Variants in CDH13 observed in about 807,000 individuals in gnomAD.
CDH13 encodes cadherin 13, also known as cadherin-13.
CDH13 carries 24 observed loss-of-function variants against 63.8 expected under a neutral mutation model. The observed-to-expected ratio is 0.38, with a 90% CI of 0.27 to 0.53. The LOEUF is 0.53. Ranked by LOEUF, CDH13 falls within the 20% of genes least tolerant of loss-of-function variation. The pLI, the probability that CDH13 is intolerant of heterozygous loss-of-function variation, is 0.85. For missense variants in CDH13, 1,049 were observed against 903.1 expected (o/e 1.16, Z -2.07); for synonymous variants, 503 against 355.3 (o/e 1.42, Z -4.67).
At chr16:83,778,203 A>C (rs1475127097) in intron 11 of CDH13, among the ~76,000 whole-genome samples, 2 of 152,252 alleles carry the variant, frequency 1.3e-5, no homozygotes, top group African/African-American at 4.8e-5. Context: ...AGGCAAGCTG[A>C]GTTTTATTAA....
rs563017672 is a variant in CDH13 at position 82,853,049 on chromosome 16, G to C, written c.46-5313G>C. On this transcript the variant is annotated intron_variant, in intron 1 of 13. Transcript: ENST00000567109. Reference sequence around the variant, plus strand: ...AAATGGAAGCTAAAAAGAAAACCTGGTATAAAGAGTGTGATTTAAGAATTT... The same window carrying C: ...AAATGGAAGCTAAAAAGAAAACCTGCTATAAAGAGTGTGATTTAAGAATTT... 3.9e-5 allele frequency among the ~76,000 whole-genome samples: 6 copies of C among 152,292 alleles called. No individual in the cohort carries two copies. In the South Asian group the frequency reaches 1.2e-3, roughly 32 times the overall value.
intron 1 of CDH13, chr16:82,639,520 G>T: frequency 1.7e-6 from 2 of 1,198,524 alleles, no homozygotes; most frequent in South Asian, 1.3e-5. Context: ...CCCTAGGGAT[G>T]CTAAGAAACC....
chr16:83,700,964 T>C (rs1253342062), intron 10 of CDH13, among the ~76,000 whole-genome samples: 1 of 152,210 alleles, frequency 6.6e-6, no homozygotes, highest in Non-Finnish European at 1.5e-5. Context: ...ATTTACACCC[T>C]CTTCCCCTTC....
intron 7 of CDH13, among the ~76,000 whole-genome samples, chr16:83,542,704 A>G (rs1408662747): frequency 6.6e-6 from 1 of 152,192 alleles, no homozygotes; most frequent in Admixed American, 6.5e-5. Context: ...TTTGGCTTGC[A>G]GAAGCATCCA....
intron 8 of CDH13, among the ~76,000 whole-genome samples, chr16:83,650,516 T>C (rs1912271390): frequency 6.6e-6 from 1 of 152,196 alleles, no homozygotes; most frequent in Non-Finnish European, 1.5e-5. Flanking sequence ...CACACACATC[T>C]TAGCTGGATT....
At chr16:82,890,952 G>A (rs1284343494) in intron 2 of CDH13, among the ~76,000 whole-genome samples, 7 of 151,826 alleles carry the variant, frequency 4.6e-5, no homozygotes, top group Non-Finnish European at 1.0e-4. Flanking sequence ...GTGCCTGGCC[G>A]GCAGCAATTC....
chr16:83,431,766 A>G (rs1298465299), intron 6 of CDH13, among the ~76,000 whole-genome samples: 1 of 152,040 alleles, frequency 6.6e-6, no homozygotes, highest in Non-Finnish European at 1.5e-5. Context: ...CACCAAGGGG[A>G]TGGCACTAAA....
chr16:83,246,457 C>T (rs1053317631), intron 5 of CDH13, among the ~76,000 whole-genome samples: 2 of 152,104 alleles, frequency 1.3e-5, no homozygotes, highest in African/African-American at 2.4e-5. Context: ...TTCTGTACTC[C>T]GAGAGATTCA....
At position 83,623,256 on chromosome 16, in the gene CDH13, C is replaced by G. The variant is rs143160502; in HGVS notation, c.1101+20662C>G. On this transcript the variant is annotated intron_variant, in intron 8 of 13. Transcript: ENST00000567109. ...GGGACTCAGTCCCCTATTACAGACT[C>G]CAGGAAGCCATGCATTTCCCTCGAG... is the stretch of plus-strand genomic sequence containing the variant. Among the ~76,000 whole-genome samples the G allele has an allele frequency of 5.1e-3, 784 of 152,276 alleles. 13 individuals are homozygous for G. Among genetic ancestry groups the G allele is most frequent in the African/African-American group, 0.018 (750 of 41,562 alleles).
chr16:82,934,977 C>T (rs977272789), intron 2 of CDH13, among the ~76,000 whole-genome samples: 1 of 152,212 alleles, frequency 6.6e-6, no homozygotes, highest in Non-Finnish European at 1.5e-5. Flanking sequence ...TTACACAGTT[C>T]CAAAGTCACT....
intron 2 of CDH13, among the ~76,000 whole-genome samples, chr16:82,930,299 A>T (rs2042448802): frequency 6.6e-6 from 1 of 152,128 alleles, no homozygotes; most frequent in African/African-American, 2.4e-5. Flanking sequence ...AAATGGAATC[A>T]TAGAGAGTGT....
intron 6 of CDH13, among the ~76,000 whole-genome samples, chr16:83,385,971 C>G (rs1384333174): frequency 6.6e-6 from 1 of 152,176 alleles, no homozygotes; most frequent in Non-Finnish European, 1.5e-5. Flanking sequence ...ATGACCATAG[C>G]CAGCCCTATA....
At chr16:83,666,484 C>A (rs529976552) in intron 8 of CDH13, among the ~76,000 whole-genome samples, 13 of 152,096 alleles carry the variant, frequency 8.5e-5, no homozygotes, top group South Asian at 2.1e-4. Context: ...TAAACGTAAC[C>A]CAGTTCCTTG....
intron 8 of CDH13, among the ~76,000 whole-genome samples, chr16:83,653,852 C>T (rs755415030): frequency 2.0e-5 from 3 of 152,106 alleles, no homozygotes; most frequent in South Asian, 2.1e-4. Context: ...CTGCTGTGTC[C>T]GGCATTAAGA....
intron 7 of CDH13, among the ~76,000 whole-genome samples, chr16:83,586,864 C>T (rs7499397): frequency 0.56 from 85,175 of 151,980 alleles, 24,946 homozygotes; most frequent in Admixed American, 0.68. Context: ...TGTGGTGTAA[C>T]TGGAATCCAT....
At chr16:83,199,763 C>T (rs755437696) in intron 4 of CDH13, among the ~76,000 whole-genome samples, 15 of 152,182 alleles carry the variant, frequency 9.9e-5, no homozygotes, top group Non-Finnish European at 2.2e-4. Flanking sequence ...GATGCAGTTC[C>T]ATTCTGTCCT....
chr16:83,272,034 C>A (rs1424566213), intron 5 of CDH13, among the ~76,000 whole-genome samples: 3 of 152,164 alleles, frequency 2.0e-5, no homozygotes, highest in African/African-American at 7.2e-5. Flanking sequence ...CATTATCTCT[C>A]TTAATTTTCA....
intron 5 of CDH13, among the ~76,000 whole-genome samples, chr16:83,259,710 T>A (rs575148314): frequency 4.6e-5 from 7 of 152,280 alleles, no homozygotes; most frequent in African/African-American, 1.7e-4. Context: ...GTTAGTTACA[T>A]AGGTATACGT....
At chr16:82,797,023 C>T (rs892246533) in intron 1 of CDH13, among the ~76,000 whole-genome samples, 1 of 152,244 alleles carries the variant, frequency 6.6e-6, no homozygotes, top group African/African-American at 2.4e-5. Context: ...ACACAGTATA[C>T]ATTGCATACG....
Sources: gnomAD v4.1 joint callset for allele counts (sites outside exome capture counted in the v4.1 genomes callset) on GRCh38, gnomAD v4.1.1 for gene constraint, MANE v1.5 for transcripts, NCBI Gene and HGNC (gene_info 2026-07-23, HGNC 2026-07-21) for gene names.